DPYD: variants seen among roughly 807,000 people sequenced by gnomAD.
The protein encoded by DPYD is dihydropyrimidine dehydrogenase [NADP(+)].
Under a neutral mutation model 116.2 loss-of-function variants are expected in DPYD, and 109 were observed. That is an observed-to-expected ratio of 0.94 (90% CI 0.80 to 1.10). The LOEUF (loss-of-function observed/expected upper bound fraction) is 1.10, where lower values mean the gene tolerates loss of function less well. Ranked by LOEUF, DPYD falls within the 50% of genes least tolerant of loss-of-function variation. The pLI, the probability that DPYD is intolerant of heterozygous loss-of-function variation, is 0.00. For missense variants in DPYD, 1,302 were observed against 1,254.5 expected, an observed-to-expected ratio of 1.04 and a Z score of -0.57; for synonymous variants, 440 against 432.0, an observed-to-expected ratio of 1.02 and a Z score of -0.23.
chr1:97,829,562 A>G (rs964727903), intron 2 of DPYD, among the ~76,000 whole-genome samples: 2 of 152,108 alleles, frequency 1.3e-5, no homozygotes, highest in Admixed American at 6.5e-5. Flanking sequence ...CAAATTTGTT[A>G]GTTTTCTAAT....
chr1:97,634,222 A>G (rs1657432078), intron 8 of DPYD, among the ~76,000 whole-genome samples: 1 of 152,116 alleles, frequency 6.6e-6, no homozygotes, highest in South Asian at 2.1e-4. Context: ...GAATTTACAA[A>G]TTCCTATTAA....
intron 20 of DPYD, among the ~76,000 whole-genome samples, chr1:97,139,113 C>T (rs1038484008): frequency 3.9e-5 from 6 of 152,052 alleles, no homozygotes; most frequent in Non-Finnish European, 8.8e-5. Context: ...TAAATCTTAT[C>T]CAAAATGTAA....
intron 18 of DPYD, among the ~76,000 whole-genome samples, chr1:97,278,907 G>A (rs946293937): frequency 1.4e-5 from 2 of 147,654 alleles, no homozygotes; most frequent in Non-Finnish European, 3.0e-5. Flanking sequence ...CTAAGACAAT[G>A]GTATTTCGTA....
At chr1:97,920,798 G>A in intron 1 of DPYD, 86 bp downstream of exon 1, 1 of 1,524,692 alleles carries the variant, frequency 6.6e-7, no homozygotes, top group Non-Finnish European at 8.9e-7. Context: ...CCGGGGTGCG[G>A]GGGCCGCGGG....
rs142422458 is a variant in DPYD, at chr1:97,390,876, A to G, written c.1906-8415T>C. On this transcript the variant is annotated intron_variant, in intron 14 of 22. Coordinates refer to ENST00000370192, the MANE Select transcript of DPYD (RefSeq NM_000110.4). ...TATTTTTATTTAGTTTCTGTCCCCA[A>G]TATGCTTAGGAACTGATCTCCCCAA... Among the ~76,000 whole-genome samples, 180 of 151,888 alleles carry G rather than the reference A, an allele frequency of 1.2e-3. 1 individual carries two copies. Among genetic ancestry groups the G allele is most frequent in the African/African-American group, 4.3e-3 (177 of 41,458 alleles).
chr1:97,151,017 T>G (rs1226531687), intron 20 of DPYD, among the ~76,000 whole-genome samples: 1 of 152,200 alleles, frequency 6.6e-6, no homozygotes, highest in Admixed American at 6.5e-5. Flanking sequence ...TAAACTATGC[T>G]TGGATTATGG....
intron 18 of DPYD, among the ~76,000 whole-genome samples, chr1:97,247,609 A>T: frequency 6.6e-6 from 1 of 152,224 alleles, no homozygotes; most frequent in African/African-American, 2.4e-5. Flanking sequence ...AATAGAATAA[A>T]ATAGAATAAT....
At position 97,171,467 on chromosome 1, in the gene DPYD, G is replaced by A. The variant is rs555320432; in HGVS notation, c.2622+21602C>T. On this transcript the variant is annotated intron_variant, in intron 20 of 22. Transcript: ENST00000370192. ...GCATTAAAAACAATGATTCTCTCTG[G>A]ACAGGATAACAAGTAGAGGTGGTAG... is the stretch of plus-strand genomic sequence containing the variant. Among the ~76,000 whole-genome samples, 7 of 152,214 alleles carry A rather than the reference G, an allele frequency of 4.6e-5. No homozygotes were observed. The East Asian group carries it at 1.4e-3, about 29-fold the overall frequency.
At chr1:97,777,075 G>A (rs1399986289) in intron 3 of DPYD, among the ~76,000 whole-genome samples, 3 of 152,072 alleles carry the variant, frequency 2.0e-5, no homozygotes, top group African/African-American at 7.2e-5. Context: ...TACCATGATG[G>A]AACTACTAAT....
At chr1:97,759,766 A>G (rs1665469765) in intron 3 of DPYD, among the ~76,000 whole-genome samples, 1 of 152,160 alleles carries the variant, frequency 6.6e-6, no homozygotes. Flanking sequence ...TAATAATTAC[A>G]TATTTATTTA....
chr1:97,305,426 TAG>T, intron 17 of DPYD, 48 bp from the exon 18 acceptor site: 4 of 1,610,582 alleles, frequency 2.5e-6, no homozygotes, highest in Non-Finnish European at 3.4e-6. Context: ...TAAGACACGA[TAG>T]TTAAAACCCA....
chr1:97,561,121 A>G (rs1245917912), intron 11 of DPYD, among the ~76,000 whole-genome samples: 1 of 152,340 alleles, frequency 6.6e-6, no homozygotes, highest in African/African-American at 2.4e-5. Flanking sequence ...TAGATTTAGA[A>G]CAACAACAAA....
intron 16 of DPYD, among the ~76,000 whole-genome samples, chr1:97,312,468 A>G (rs1191830231): frequency 1.3e-5 from 2 of 151,926 alleles, no homozygotes; most frequent in African/African-American, 2.4e-5. Flanking sequence ...GATGTCTGCC[A>G]TTCACTACAG....
intron 8 of DPYD, among the ~76,000 whole-genome samples, chr1:97,672,800 A>G (rs1659939600): frequency 6.6e-6 from 1 of 152,196 alleles, no homozygotes; most frequent in Non-Finnish European, 1.5e-5. Flanking sequence ...AGATTTAACT[A>G]AAGGCCACTC....
At chr1:97,293,226 T>C (rs557063104) in intron 18 of DPYD, among the ~76,000 whole-genome samples, 7 of 152,312 alleles carry the variant, frequency 4.6e-5, no homozygotes, top group African/African-American at 1.2e-4. Flanking sequence ...TTTCAGTCAA[T>C]TTTTTTGTCA....
chr1:97,430,897 A>C (rs1461811250), intron 14 of DPYD, among the ~76,000 whole-genome samples: 1 of 152,002 alleles, frequency 6.6e-6, no homozygotes, highest in Non-Finnish European at 1.5e-5. Flanking sequence ...AACCAATCCT[A>C]CTGAGAATTT....
At chr1:97,738,005 A>G (rs1361008320) in intron 4 of DPYD, among the ~76,000 whole-genome samples, 1 of 152,186 alleles carries the variant, frequency 6.6e-6, no homozygotes, top group African/African-American at 2.4e-5. Context: ...AAGCCACACT[A>G]ATCTGATTAC....
chr1:97,407,623 C>T (rs1036185957), intron 14 of DPYD, among the ~76,000 whole-genome samples: 2 of 152,132 alleles, frequency 1.3e-5, no homozygotes, highest in African/African-American at 2.4e-5. Flanking sequence ...CAAAGCTTTA[C>T]AGGGCTGGGG....
intron 8 of DPYD, among the ~76,000 whole-genome samples, chr1:97,596,241 T>C (rs373979966): frequency 3.0e-4 from 46 of 152,250 alleles, no homozygotes; most frequent in East Asian, 2.3e-3. Flanking sequence ...AAACTCTGTA[T>C]AGTATAATTC....
Sources: allele counts gnomAD v4.1 joint callset (sites outside exome capture counted in the v4.1 genomes callset), GRCh38; gene constraint gnomAD v4.1.1; transcripts MANE v1.5; gene names NCBI Gene and HGNC (gene_info 2026-07-23, HGNC 2026-07-21).